ANO2: variants seen among roughly 807,000 people sequenced by gnomAD.
ANO2 encodes the protein anoctamin-2.
ANO2 carries 101 observed loss-of-function variants against 124.2 expected under a neutral mutation model. The ratio of observed to expected loss-of-function variants is 0.81; its 90% CI spans 0.69 to 0.96. The LOEUF (loss-of-function observed/expected upper bound fraction) is 0.96, where lower values mean the gene tolerates loss of function less well. ANO2 is among the 40% of genes least tolerant of loss of function. The pLI is 0.00. For missense variants in ANO2, 1,293 were observed against 1,274.5 expected, an observed-to-expected ratio of 1.01 and a Z score of -0.22; for synonymous variants, 486 against 482.5, an observed-to-expected ratio of 1.01 and a Z score of -0.09.
chr12:5,761,620 A>G (rs1484065717), intron 10 of ANO2, among the ~76,000 whole-genome samples: 1 of 152,216 alleles, frequency 6.6e-6, no homozygotes, highest in Non-Finnish European at 1.5e-5. Flanking sequence ...ATGTTTATCC[A>G]TGTGTACATC....
At chr12:5,606,630 A>T (rs938742214) in intron 19 of ANO2, among the ~76,000 whole-genome samples, 5 of 152,244 alleles carry the variant, frequency 3.3e-5, no homozygotes, top group Admixed American at 6.5e-5. Flanking sequence ...CTGTTTGCAT[A>T]GGTAATGGGG....
chr12:5,859,133 A>G (rs1019275049), intron 3 of ANO2, among the ~76,000 whole-genome samples: 6 of 152,230 alleles, frequency 3.9e-5, no homozygotes, highest in African/African-American at 1.4e-4. Context: ...AGTAATCAAT[A>G]TGACTGGAGG....
chr12:5,592,666 G>A (rs1289027467), intron 20 of ANO2, among the ~76,000 whole-genome samples: 2 of 152,166 alleles, frequency 1.3e-5, no homozygotes, highest in Admixed American at 6.5e-5. Context: ...AGGAAAGGTA[G>A]AAGGAGTGAA....
intron 12 of ANO2, among the ~76,000 whole-genome samples, chr12:5,743,722 T>C (rs1336122660): frequency 6.6e-6 from 1 of 151,856 alleles, no homozygotes; most frequent in African/African-American, 2.4e-5. Context: ...TGAACAGGAG[T>C]CAGGAGACCA....
At chr12:5,927,965 G>A (rs934190493) in intron 1 of ANO2, among the ~76,000 whole-genome samples, 2 of 152,192 alleles carry the variant, frequency 1.3e-5, no homozygotes, top group African/African-American at 2.4e-5. Context: ...AGAGAAGCTT[G>A]GGCATGTAGC....
intron 4 of ANO2, among the ~76,000 whole-genome samples, chr12:5,846,753 T>G (rs1201932008): frequency 1.3e-5 from 2 of 152,172 alleles, no homozygotes; most frequent in African/African-American, 2.4e-5. Context: ...CCCTCTCAAA[T>G]CTCCTTCTGC....
chr12:5,633,171 T>G (rs2136934749), intron 16 of ANO2, among the ~76,000 whole-genome samples: 1 of 152,338 alleles, frequency 6.6e-6, no homozygotes, highest in African/African-American at 2.4e-5. Context: ...CTTATCTTAT[T>G]GTTAAGTCTA....
At chr12:5,922,008 A>T (rs1294523330) in intron 2 of ANO2, among the ~76,000 whole-genome samples, 1 of 150,594 alleles carries the variant, frequency 6.6e-6, no homozygotes, top group African/African-American at 2.5e-5. Flanking sequence ...CCCGACCCCT[A>T]CCCTCCCACC....
intron 7 of ANO2, among the ~76,000 whole-genome samples, chr12:5,818,812 A>C (rs1953695635): frequency 6.6e-6 from 1 of 152,094 alleles, no homozygotes; most frequent in African/African-American, 2.4e-5. Context: ...TGTACATAAT[A>C]CCTTTGACCA....
At chr12:5,920,902 A>C in intron 3 of ANO2, 138 bp downstream of exon 3, 1 of 1,055,240 alleles carries the variant, frequency 9.5e-7, no homozygotes, top group Non-Finnish European at 1.3e-6. Flanking sequence ...AAGAAACAAA[A>C]TCTGGTTTCT....
Position 5,806,047 on chromosome 12 carries a change from C to T in ANO2, c.990+5G>A, listed in dbSNP as rs765490614. 1.1e-5 allele frequency: 17 copies of T among 1,613,616 alleles called. No homozygotes were observed. The Admixed American group carries it at 2.7e-4, about 25-fold the overall frequency. Reference sequence around the variant, plus strand: ...AGTCCAGGATGCTGCACGAGGCAGGCTTACCTTCCTGTCATTCATATCGTC... The same window carrying T: ...AGTCCAGGATGCTGCACGAGGCAGGTTTACCTTCCTGTCATTCATATCGTC... On this transcript the variant is annotated splice_donor_5th_base_variant and intron_variant, in intron 9 of 24. Coordinates refer to ENST00000682330, the MANE Select transcript of ANO2 (RefSeq NM_001364791.2).
chr12:5,703,610 G>A (rs879089917), intron 14 of ANO2, among the ~76,000 whole-genome samples: 3 of 151,952 alleles, frequency 2.0e-5, no homozygotes, highest in South Asian at 4.2e-4. Flanking sequence ...CACAATCATG[G>A]CTCACTGCAG....
intron 9 of ANO2, among the ~76,000 whole-genome samples, chr12:5,801,995 G>A (rs554643485): frequency 7.9e-5 from 12 of 152,252 alleles, no homozygotes; most frequent in South Asian, 2.1e-4. Context: ...GCACCCCCTC[G>A]AGAGCTATGG....
At chr12:5,653,305 A>G (rs1186113661) in intron 14 of ANO2, among the ~76,000 whole-genome samples, 2 of 152,210 alleles carry the variant, frequency 1.3e-5, no homozygotes. Flanking sequence ...TTCTATCAAA[A>G]TGTTCATACA....
chr12:5,578,485 G>C lies in ANO2; in HGVS notation c.2267C>G (p.Ala756Gly). 1 of 1,613,856 alleles carries C rather than the reference G, an allele frequency of 6.2e-7. No individual in the cohort carries two copies. The highest frequency in any genetic ancestry group is 8.5e-7 in the Non-Finnish European group (1 of 1,179,822). Residue 756 changes from alanine to glycine, a missense_variant, in exon 21 of 25, where the codon GCC becomes GGC. Transcript: ENST00000682330. The part of the protein sequence containing the change: ...IQFGFVTLFV[A>G]SFPLAPVFAL... ...AAACACAGGTGCCAGGGGAAAGGAG[G>C]CCACGAAGAGGGTGACAAAACCAAA...
At chr12:5,566,783 C>A (rs750947513) in intron 23 of ANO2, among the ~76,000 whole-genome samples, 3 of 152,180 alleles carry the variant, frequency 2.0e-5, no homozygotes, top group African/African-American at 7.2e-5. Flanking sequence ...GCCAGAGTCT[C>A]GTGACCAGTA....
chr12:5,827,924 CATTTGG>C, intron 6 of ANO2, 104 bp from the exon 7 acceptor site: 7 of 1,276,188 alleles, frequency 5.5e-6, no homozygotes, highest in Non-Finnish European at 7.6e-6. Flanking sequence ...CGCCCGGGCT[CATTTGG>C]AGCCAGGACG....
chr12:5,869,759 T>C (rs1188909502), intron 3 of ANO2, among the ~76,000 whole-genome samples: 1 of 152,166 alleles, frequency 6.6e-6, no homozygotes, highest in African/African-American at 2.4e-5. Context: ...CACATAGCCA[T>C]GGTGCTGAGA....
chr12:5,664,906 C>T (rs1947623047), intron 14 of ANO2, among the ~76,000 whole-genome samples: 2 of 152,180 alleles, frequency 1.3e-5, no homozygotes, highest in Admixed American at 1.3e-4. Flanking sequence ...ATTATTTGAT[C>T]ATGAAACTTT....
Sources: allele counts gnomAD v4.1 joint callset (sites outside exome capture counted in the v4.1 genomes callset), GRCh38; gene constraint gnomAD v4.1.1; transcripts MANE v1.5; gene names NCBI Gene and HGNC (gene_info 2026-07-23, HGNC 2026-07-21).